The following SEMA3D variants were observed in gnomAD, a reference collection of about 807,000 sequenced individuals.
SEMA3D encodes the protein semaphorin-3D.
SEMA3D carries 84 observed loss-of-function variants against 100.1 expected under a neutral mutation model. The ratio of observed to expected loss-of-function variants is 0.84; its 90% CI spans 0.70 to 1.01. The LOEUF is 1.01. Ranked by LOEUF, SEMA3D falls within the 50% of genes least tolerant of loss-of-function variation. The pLI, the probability that SEMA3D is intolerant of heterozygous loss-of-function variation, is 0.00. For missense variants in SEMA3D, 875 were observed against 934.1 expected (o/e 0.94, Z 0.82); for synonymous variants, 312 against 320.7 (o/e 0.97, Z 0.29).
intron 18 of SEMA3D, among the ~76,000 whole-genome samples, chr7:85,006,454 T>C (rs1314369256): frequency 1.3e-5 from 2 of 151,936 alleles, no homozygotes; most frequent in African/African-American, 4.8e-5. Context: ...CAATGTGAAC[T>C]AAAATGTAGT....
At chr7:85,047,158 AAAG>A (rs1272565071) in intron 9 of SEMA3D, among the ~76,000 whole-genome samples, 1 of 151,910 alleles carries the variant, frequency 6.6e-6, no homozygotes, top group Non-Finnish European at 1.5e-5. Flanking sequence ...TTAATTAAAA[AAAG>A]AAAAAAAAAT....
intron 1 of SEMA3D, among the ~76,000 whole-genome samples, chr7:85,181,323 C>T (rs1051795013): frequency 1.2e-5 from 1 of 82,172 alleles, no homozygotes; most frequent in African/African-American, 7.9e-5. Context: ...GCTCACAACA[C>T]ACACACACAC....
At chr7:85,066,890 G>GCT (rs1554338282) in intron 7 of SEMA3D, among the ~76,000 whole-genome samples, 3 of 100,706 alleles carry the variant, frequency 3.0e-5, no homozygotes, top group Non-Finnish European at 5.4e-5. Context: ...GGAAATGTGC[G>GCT]CTCACACACA....
the SEMA3D span, among the ~76,000 whole-genome samples, chr7:85,196,574 CA>C: frequency 2.0e-5 from 3 of 152,040 alleles, no homozygotes; most frequent in Non-Finnish European, 4.4e-5. Flanking sequence ...ACATCCTTTA[CA>C]TATGCAGAAT....
intron 1 of SEMA3D, among the ~76,000 whole-genome samples, chr7:85,176,776 G>C (rs1423063286): frequency 8.2e-6 from 1 of 121,240 alleles, no homozygotes; most frequent in African/African-American, 3.5e-5. Context: ...GTGTGTATTT[G>C]TATACATATA....
chr7:85,133,652 G>T (rs1259324822), intron 2 of SEMA3D, among the ~76,000 whole-genome samples: 1 of 151,944 alleles, frequency 6.6e-6, no homozygotes, highest in Admixed American at 6.6e-5. Context: ...TAAAAGTTCA[G>T]TCTCTGGCTA....
chr7:85,212,522 A>G, the SEMA3D span, among the ~76,000 whole-genome samples: 1 of 152,066 alleles, frequency 6.6e-6, no homozygotes, highest in Admixed American at 6.6e-5. Context: ...TCCACTTATC[A>G]ACTTTGATAT....
At chr7:85,083,657 A>C (rs1788128380) in intron 4 of SEMA3D, among the ~76,000 whole-genome samples, 1 of 149,922 alleles carries the variant, frequency 6.7e-6, no homozygotes, top group South Asian at 2.1e-4. Flanking sequence ...ATCCTGGCTA[A>C]CACGGTGAAA....
At chr7:85,017,362 G>A (rs781043301) in intron 15 of SEMA3D, among the ~76,000 whole-genome samples, 12 of 151,674 alleles carry the variant, frequency 7.9e-5, no homozygotes, top group Non-Finnish European at 1.6e-4. Flanking sequence ...AGCTTCTGGA[G>A]GTTAATGGCG....
chr7:85,025,507 G>GA (rs1790368378), intron 12 of SEMA3D, among the ~76,000 whole-genome samples: 1 of 151,956 alleles, frequency 6.6e-6, no homozygotes, highest in African/African-American at 2.4e-5. Flanking sequence ...GATAAGAGGA[G>GA]AAAAATGGTT....
chr7:85,209,275 C>T, the SEMA3D span, among the ~76,000 whole-genome samples: 1 of 151,522 alleles, frequency 6.6e-6, no homozygotes, highest in Admixed American at 6.6e-5. Context: ...TATATATATA[C>T]GTGTGTGTAT....
At chr7:85,160,515 G>C (rs1790717627) in intron 1 of SEMA3D, among the ~76,000 whole-genome samples, 1 of 152,084 alleles carries the variant, frequency 6.6e-6, no homozygotes, top group South Asian at 2.1e-4. Flanking sequence ...TAGGCAAATG[G>C]GGGCGATGCG....
intron 1 of SEMA3D, among the ~76,000 whole-genome samples, chr7:85,178,817 G>C (rs1791314773): frequency 6.6e-6 from 1 of 152,182 alleles, no homozygotes; most frequent in African/African-American, 2.4e-5. Flanking sequence ...TCACAGGCCT[G>C]GAGGCCTAGA....
intron 2 of SEMA3D, among the ~76,000 whole-genome samples, chr7:85,149,288 A>G (rs906777342): frequency 1.3e-5 from 2 of 151,370 alleles, no homozygotes; most frequent in Non-Finnish European, 2.9e-5. Flanking sequence ...CCCCAAATAA[A>G]TAAGTAAAAA....
At chr7:85,185,845 G>A (rs1370791367) in intron 1 of SEMA3D, among the ~76,000 whole-genome samples, 1 of 152,172 alleles carries the variant, frequency 6.6e-6, no homozygotes, top group Non-Finnish European at 1.5e-5. Flanking sequence ...GAAGCCGGGA[G>A]GAAACACCCT....
At chr7:85,034,151 G>A (rs974842496) in intron 12 of SEMA3D, among the ~76,000 whole-genome samples, 2 of 151,970 alleles carry the variant, frequency 1.3e-5, no homozygotes, top group Non-Finnish European at 2.9e-5. Context: ...AATAGCATGT[G>A]TTTCATGGGA....
At chr7:85,020,070 C>A (rs1790212726) in intron 14 of SEMA3D, among the ~76,000 whole-genome samples, 163 bp downstream of exon 14, 1 of 151,528 alleles carries the variant, frequency 6.6e-6, no homozygotes, top group South Asian at 2.1e-4. Flanking sequence ...CATTCCTAGT[C>A]GCTTATAAAA....
Position 85,042,172 on chromosome 7 carries a change from A to G in SEMA3D, c.975T>C (p.Leu325=), listed in dbSNP as rs761369888. 1 of 1,598,658 alleles carries G rather than the reference A, an allele frequency of 6.3e-7. No homozygotes were observed. Among genetic ancestry groups the G allele is most frequent in the Non-Finnish European group, 8.6e-7 (1 of 1,166,240 alleles). The change falls in exon 10 of 19, where the codon CTT becomes CTC. Residue 325 remains leucine (L), a splice_region_variant and synonymous_variant. Coordinates refer to ENST00000284136, the MANE Select transcript of SEMA3D (RefSeq NM_001384900.1). ...SDGADTYFDE[L]QDIYLLPTRD... is the part of the protein sequence containing the mutation. ...GAAAGAAGGAAAGAAGGAACTTACG[A>G]AGCTCATCAAAGTAAGTATCTGCCC...
At chr7:85,249,466 A>C in the SEMA3D span, among the ~76,000 whole-genome samples, 1 of 152,216 alleles carries the variant, frequency 6.6e-6, no homozygotes, top group Non-Finnish European at 1.5e-5. Flanking sequence ...ATACTAATGT[A>C]TCAATATTGG....
Sources: allele counts gnomAD v4.1 joint callset (sites outside exome capture counted in the v4.1 genomes callset), GRCh38; gene constraint gnomAD v4.1.1; transcripts MANE v1.5; gene names NCBI Gene and HGNC (gene_info 2026-07-23, HGNC 2026-07-21).